The following GRIN2A variants were observed in gnomAD, a reference collection of about 807,000 sequenced individuals.
The protein encoded by GRIN2A is glutamate receptor ionotropic, NMDA 2A.
Under a neutral mutation model 113.4 loss-of-function variants are expected in GRIN2A, and 22 were observed. That is an observed-to-expected ratio of 0.19 (90% CI 0.14 to 0.28). The LOEUF is 0.28. Ranked by LOEUF, GRIN2A falls within the 10% of genes least tolerant of loss-of-function variation. The probability of loss-of-function intolerance (pLI) is 1.00; values close to 1 mark genes in which losing one functional copy is unlikely to be tolerated. For missense variants in GRIN2A, 1,502 were observed against 1,887.0 expected, an observed-to-expected ratio of 0.80 and a Z score of 3.78; for synonymous variants, 827 against 738.4, an observed-to-expected ratio of 1.12 and a Z score of -1.94.
intron 4 of GRIN2A, among the ~76,000 whole-genome samples, chr16:9,873,714 G>A (rs2043309533): frequency 1.3e-5 from 2 of 152,210 alleles, no homozygotes; most frequent in South Asian, 4.1e-4. Context: ...CCTATTAAAA[G>A]CAGGTAAATG....
At chr16:9,846,979 A>G (rs983727479) in intron 5 of GRIN2A, among the ~76,000 whole-genome samples, 1 of 152,170 alleles carries the variant, frequency 6.6e-6, no homozygotes, top group Non-Finnish European at 1.5e-5. Flanking sequence ...GGGACCTCAT[A>G]ATGGACAATG....
rs996565923 is a variant in GRIN2A at position 9,755,433 on chromosome 16, A to G, written c.*7716T>C. 1.1e-5 allele frequency: 2 copies of G among 183,926 alleles called. No homozygotes were observed. The highest frequency in any genetic ancestry group is 4.7e-5 in the African/African-American group (2 of 42,546). 11.4% of individuals were successfully genotyped at this position (183,926 alleles called of 1,614,324 possible). A position where few individuals can be genotyped will look rare whatever the true frequency, so the allele number is the denominator to read the frequency against. On this transcript the variant is annotated 3_prime_UTR_variant, in exon 13 of 13. Coordinates refer to ENST00000330684, the MANE Select transcript of GRIN2A (RefSeq NM_001134407.3). ...ACAAATAATAATCTTTCTGTCTTAAAAGGCTTTTTACTGCCAGCTTGAAAG... is the reference window on the plus strand; with the variant it reads ...ACAAATAATAATCTTTCTGTCTTAAGAGGCTTTTTACTGCCAGCTTGAAAG...
rs138868969 is a variant in GRIN2A, at chr16:10,045,318, A to C, written c.415-106767T>G. Among the ~76,000 whole-genome samples, 806 of 152,316 alleles carry C rather than the reference A, an allele frequency of 5.3e-3. 5 individuals are homozygous for C. Among genetic ancestry groups the C allele is most frequent in the African/African-American group, 0.018 (754 of 41,584 alleles). ...TTATTTTCTTTCCCTAAATAGAAGCAAGGTAAATATGTTCTTCCTTCTTAT... is the reference window on the plus strand; with the variant it reads ...TTATTTTCTTTCCCTAAATAGAAGCCAGGTAAATATGTTCTTCCTTCTTAT... On this transcript the variant is annotated intron_variant, in intron 2 of 12. Transcript: ENST00000330684.
At chr16:10,145,049 C>A (rs1344527604) in intron 2 of GRIN2A, among the ~76,000 whole-genome samples, 1 of 149,804 alleles carries the variant, frequency 6.7e-6, no homozygotes, top group African/African-American at 2.5e-5. Context: ...ATGGAAAAAC[C>A]TGGACCATTC....
At chr16:9,777,735 G>T (rs534677427) in intron 11 of GRIN2A, among the ~76,000 whole-genome samples, 43 of 152,282 alleles carry the variant, frequency 2.8e-4, no homozygotes, top group African/African-American at 1.0e-3. Flanking sequence ...GATGGAGTTG[G>T]GGGATTTTAT....
rs1233605311 is a variant in GRIN2A, at chr16:9,952,840, G to A, written c.415-14289C>T. Among the ~76,000 whole-genome samples, 3 of 152,044 alleles carry A rather than the reference G, an allele frequency of 2.0e-5. No individual in the cohort carries two copies. The East Asian group carries it at 5.8e-4, about 29-fold the overall frequency. On this transcript the variant is annotated intron_variant, in intron 2 of 12. Transcript: ENST00000330684. ...AGAAAGTCAGGCAACAAGAAAGTGAGAGAAAAAGGGAAAAAGGAAGAAAAA... is the reference window on the plus strand; with the variant it reads ...AGAAAGTCAGGCAACAAGAAAGTGAAAGAAAAAGGGAAAAAGGAAGAAAAA...
intron 7 of GRIN2A, among the ~76,000 whole-genome samples, chr16:9,840,114 T>C (rs530212662): frequency 6.6e-6 from 1 of 152,094 alleles, no homozygotes. Context: ...CTAGACTCCA[T>C]CTCAAAAAAA....
intron 2 of GRIN2A, among the ~76,000 whole-genome samples, chr16:10,034,290 T>G (rs569033766): frequency 8.6e-5 from 13 of 152,000 alleles, no homozygotes; most frequent in Admixed American, 3.3e-4. Flanking sequence ...TTCGGGAGGC[T>G]GAGGAAGGCT....
chr16:10,043,395 C>T (rs1421150005), intron 2 of GRIN2A, among the ~76,000 whole-genome samples: 1 of 152,158 alleles, frequency 6.6e-6, no homozygotes, highest in Non-Finnish European at 1.5e-5. Flanking sequence ...GAAAGGCAGC[C>T]GGGATCACAT....
chr16:9,822,231 G>A, intron 10 of GRIN2A, 33 bp downstream of exon 10: 3 of 1,608,638 alleles, frequency 1.9e-6, no homozygotes, highest in African/African-American at 1.3e-5. Flanking sequence ...ATCGCTCGCA[G>A]ACCTGTGGTG....
At chr16:10,015,277 A>C (rs1339610078) in intron 2 of GRIN2A, among the ~76,000 whole-genome samples, 1 of 141,738 alleles carries the variant, frequency 7.1e-6, no homozygotes, top group Non-Finnish European at 1.5e-5. Flanking sequence ...AAAAAGAAAA[A>C]AAAAAAGAAA....
At chr16:10,087,094 G>A (rs993813846) in intron 2 of GRIN2A, among the ~76,000 whole-genome samples, 4 of 152,202 alleles carry the variant, frequency 2.6e-5, no homozygotes, top group South Asian at 2.1e-4. Context: ...CTGTAGGCTC[G>A]AGAGTCTGAC....
chr16:9,765,900 T>G (rs779024120), intron 12 of GRIN2A, among the ~76,000 whole-genome samples: 2 of 152,194 alleles, frequency 1.3e-5, no homozygotes, highest in Non-Finnish European at 2.9e-5. Flanking sequence ...TACAAGCACC[T>G]CCATCTATAT....
intron 4 of GRIN2A, 78 bp from the exon 5 acceptor site, chr16:9,850,039 G>A: frequency 2.4e-6 from 3 of 1,232,834 alleles, no homozygotes; most frequent in Non-Finnish European, 3.6e-6. Flanking sequence ...TTCCCTGCCA[G>A]AGACATCCAT....
chr16:9,811,226 G>C (rs968121188), intron 10 of GRIN2A, among the ~76,000 whole-genome samples: 9 of 152,168 alleles, frequency 5.9e-5, no homozygotes, highest in Non-Finnish European at 1.2e-4. Flanking sequence ...TGCCAGAGCT[G>C]TTCCCTTCTC....
intron 2 of GRIN2A, among the ~76,000 whole-genome samples, chr16:10,015,542 T>C (rs2046594326): frequency 6.6e-6 from 1 of 152,130 alleles, no homozygotes; most frequent in African/African-American, 2.4e-5. Context: ...TGATTCCGAA[T>C]GCGCTTTAAA....
intron 2 of GRIN2A, among the ~76,000 whole-genome samples, chr16:10,164,938 G>A (rs945042728): frequency 6.6e-6 from 1 of 152,204 alleles, no homozygotes; most frequent in African/African-American, 2.4e-5. Context: ...AGAGTTAAGT[G>A]ACAGAGATAC....
chr16:9,820,950 C>A (rs978799337), intron 10 of GRIN2A, among the ~76,000 whole-genome samples: 1 of 152,164 alleles, frequency 6.6e-6, no homozygotes, highest in African/African-American at 2.4e-5. Context: ...GCTCTCCCAG[C>A]CCCTGCTGAG....
intron 2 of GRIN2A, among the ~76,000 whole-genome samples, chr16:10,078,848 TGCTGACTGACTG>T (rs1255836506): frequency 1.3e-5 from 2 of 151,766 alleles, no homozygotes; most frequent in Non-Finnish European, 2.9e-5. Flanking sequence ...AAAGGGAGCA[TGCTGACTGACTG>T]GCTGACTGAC....
Sources: gnomAD v4.1 joint callset for allele counts (sites outside exome capture counted in the v4.1 genomes callset) on GRCh38, gnomAD v4.1.1 for gene constraint, MANE v1.5 for transcripts, NCBI Gene and HGNC (gene_info 2026-07-23, HGNC 2026-07-21) for gene names.